CMIP: variants seen among roughly 807,000 people sequenced by gnomAD.
The protein encoded by CMIP is c-Maf inducing protein, also known as C-Maf-inducing protein.
Under a neutral mutation model 97.3 loss-of-function variants are expected in CMIP, and 13 were observed. The ratio of observed to expected loss-of-function variants is 0.13; its 90% CI spans 0.09 to 0.21. The LOEUF is 0.21. CMIP is among the 10% of genes least tolerant of loss of function. The pLI is 1.00. For missense variants in CMIP, 847 were observed against 1,024.9 expected (o/e 0.83, Z 2.37); for synonymous variants, 538 against 436.3 (o/e 1.23, Z -2.91).
chr16:81,620,229 C>T (rs2091974626), intron 2 of CMIP: 1 of 152,238 alleles, frequency 6.6e-6, no homozygotes, highest in African/African-American at 2.4e-5. Flanking sequence ...GGTTTTGTTT[C>T]ACCCGCTGTG....
In CMIP at chr16:81,453,787, C is replaced by G. The variant is rs1021889965; in HGVS notation, c.300+8246C>G. Among the ~76,000 whole-genome samples the G allele has an allele frequency of 6.6e-6, 1 of 152,212 alleles. No homozygotes were observed. Among genetic ancestry groups the G allele is most frequent in the Non-Finnish European group, 1.5e-5 (1 of 68,032 alleles). ...TTCTTGTGAAATGGGTCTGCCCTCCCCTAGGTCCTTCATTGTCAGGGGGAT... is the reference window on the plus strand; with the variant it reads ...TTCTTGTGAAATGGGTCTGCCCTCCGCTAGGTCCTTCATTGTCAGGGGGAT... On this transcript the variant is annotated intron_variant, in intron 1 of 20. Coordinates refer to ENST00000537098, the MANE Select transcript of CMIP (RefSeq NM_198390.3). This position sits in a 1 kb window ranked among gnomAD's most constrained non-coding sequence, Gnocchi z 4.0.
In CMIP at chr16:81,516,290, T is replaced by G. The variant is rs149812558; in HGVS notation, c.300+70749T>G. Among the ~76,000 whole-genome samples the G allele has an allele frequency of 4.9e-3, 747 of 152,258 alleles. 4 individuals are homozygous for G. The highest frequency in any genetic ancestry group is 0.017 in the Middle Eastern group (5 of 294). On this transcript the variant is annotated intron_variant, in intron 1 of 20. Transcript: ENST00000537098. ...TCTCACTCTTGATTCCTCCGGGGAT[T>G]TTCTAAAATACACATGGAATCGCGC...
At chr16:81,603,609 G>C (rs1441093735) in intron 1 of CMIP, among the ~76,000 whole-genome samples, 1 of 152,070 alleles carries the variant, frequency 6.6e-6, no homozygotes, top group African/African-American at 2.4e-5. Context: ...TCCTTTTTCT[G>C]TCCCGGGATC....
At chr16:81,515,397 G>T (rs754972190) in intron 1 of CMIP, among the ~76,000 whole-genome samples, 1 of 152,210 alleles carries the variant, frequency 6.6e-6, no homozygotes, top group Non-Finnish European at 1.5e-5. Flanking sequence ...GCACTGACGT[G>T]TGTGGCGATG....
intron 1 of CMIP, among the ~76,000 whole-genome samples, chr16:81,535,250 T>C (rs1441271134): frequency 1.3e-5 from 2 of 152,172 alleles, no homozygotes; most frequent in East Asian, 3.9e-4. Context: ...ACGTGGCCCA[T>C]AATTTTTTTA....
intron 1 of CMIP, chr16:81,603,381 C>G: frequency 2.2e-6 from 1 of 454,390 alleles, no homozygotes. Flanking sequence ...CGCGCCCGGC[C>G]TTGTTTTTGT....
intron 1 of CMIP, among the ~76,000 whole-genome samples, chr16:81,536,267 G>C (rs2090341041): frequency 1.3e-5 from 2 of 152,154 alleles, no homozygotes; most frequent in South Asian, 4.1e-4. Flanking sequence ...AAAGGTACTT[G>C]GGAGTGCTCC....
chr16:81,573,935 C>A (rs1263965233), intron 1 of CMIP, among the ~76,000 whole-genome samples: 1 of 152,116 alleles, frequency 6.6e-6, no homozygotes, highest in Non-Finnish European at 1.5e-5. Context: ...CACCTACCCT[C>A]CATTTTCTAC....
At chr16:81,526,662 A>T (rs1449961446) in intron 1 of CMIP, among the ~76,000 whole-genome samples, 4 of 152,198 alleles carry the variant, frequency 2.6e-5, no homozygotes, top group African/African-American at 9.6e-5. Flanking sequence ...AGATTACTCT[A>T]AGAAGGGGCC....
chr16:81,639,917 C>G (rs1478964895), intron 3 of CMIP, among the ~76,000 whole-genome samples: 1 of 152,126 alleles, frequency 6.6e-6, no homozygotes, highest in East Asian at 1.9e-4. Flanking sequence ...GCACAGGGCC[C>G]AGTACATAGG....
chr16:81,647,792 G>A (rs2150999148), intron 3 of CMIP, among the ~76,000 whole-genome samples: 1 of 152,152 alleles, frequency 6.6e-6, no homozygotes, highest in East Asian at 1.9e-4. Context: ...GAGGGACAGG[G>A]CCCTGTTGAT....
At chr16:81,673,716 G>C (rs2092703784) in intron 9 of CMIP, among the ~76,000 whole-genome samples, 4 of 152,124 alleles carry the variant, frequency 2.6e-5, no homozygotes, top group Admixed American at 2.6e-4. Context: ...ACTGCTCCCG[G>C]GATGCAGACT....
At chr16:81,672,368 A>T (rs1474001242) in intron 9 of CMIP, among the ~76,000 whole-genome samples, 1 of 152,182 alleles carries the variant, frequency 6.6e-6, no homozygotes, top group African/African-American at 2.4e-5. Flanking sequence ...GAGAGGTATG[A>T]CACACTGGTG....
At chr16:81,594,560 C>A (rs1236553748) in intron 1 of CMIP, among the ~76,000 whole-genome samples, 6 of 152,110 alleles carry the variant, frequency 3.9e-5, no homozygotes, top group African/African-American at 1.4e-4. Context: ...AGTACTAAAT[C>A]CTATATACAC....
At chr16:81,709,519 G>A (rs2151114005) in intron 20 of CMIP, among the ~76,000 whole-genome samples, 1 of 152,326 alleles carries the variant, frequency 6.6e-6, no homozygotes, top group African/African-American at 2.4e-5. Context: ...CTGAGGCGGG[G>A]GCATGGGAAC....
chr16:81,505,114 G>A (rs1488457380), intron 1 of CMIP, among the ~76,000 whole-genome samples: 7 of 152,242 alleles, frequency 4.6e-5, no homozygotes, highest in Non-Finnish European at 2.9e-5. Context: ...ATCGTGCAGT[G>A]ACCCAGCCGA....
At chr16:81,694,241 A>G (rs1906442759) in intron 13 of CMIP, among the ~76,000 whole-genome samples, 1 of 152,118 alleles carries the variant, frequency 6.6e-6, no homozygotes, top group African/African-American at 2.4e-5. Flanking sequence ...GTGCTCTGAG[A>G]TGCTCACAGC....
At chr16:81,495,270 G>A in intron 1 of CMIP, 2 of 1,402,128 alleles carry the variant, frequency 1.4e-6, no homozygotes, top group Non-Finnish European at 1.9e-6. Context: ...CTCAGCCTGG[G>A]GGAAGCAGAG....
chr16:81,696,150 C>T (rs948055794), intron 13 of CMIP: 10 of 269,582 alleles, frequency 3.7e-5, no homozygotes, highest in African/African-American at 1.2e-4. Context: ...AAACAGAGAA[C>T]GGAGACCCAG....
Sources: gnomAD v4.1 joint callset for allele counts (sites outside exome capture counted in the v4.1 genomes callset) on GRCh38, gnomAD v4.1.1 for gene constraint, Gnocchi (gnomAD v3.1) non-coding constraint, MANE v1.5 for transcripts, NCBI Gene and HGNC (gene_info 2026-07-23, HGNC 2026-07-21) for gene names.